ITIH5: variants seen among roughly 807,000 people sequenced by gnomAD.
ITIH5 encodes inter-alpha-trypsin inhibitor heavy chain H5.
In ITIH5, 65 loss-of-function variants were observed where a neutral mutation model predicts 77.5. The observed-to-expected ratio is 0.84, with a 90% confidence interval of 0.69 to 1.03. ITIH5 has a LOEUF of 1.03. ITIH5 is among the 50% of genes least tolerant of loss of function. ITIH5 has a pLI of 0.00. For synonymous variants in ITIH5, 525 were observed against 494.3 expected, an observed-to-expected ratio of 1.06 and a Z score of -0.82; for missense variants, 1,208 against 1,213.1, an observed-to-expected ratio of 1.00 and a Z score of 0.06.
At chr10:7,603,717 G>A (rs1420654146) in intron 7 of ITIH5, among the ~76,000 whole-genome samples, 1 of 152,252 alleles carries the variant, frequency 6.6e-6, no homozygotes, top group East Asian at 1.9e-4. Flanking sequence ...CCGAGCAGCT[G>A]GGACTACAGG....
rs774202543 is a variant in ITIH5 at position 7,585,380 on chromosome 10, G to A, written c.1108+521C>T. On this transcript the variant is annotated intron_variant, in intron 8 of 13. Coordinates refer to ENST00000397146, the MANE Select transcript of ITIH5 (RefSeq NM_030569.7). ...TACCTGGGCAACACCCAAGACAAGC[G>A]TGCAGTGGCTGAGAGCCCACATCCT... is the stretch of plus-strand genomic sequence containing the variant. 1.5e-4 allele frequency among the ~76,000 whole-genome samples: 23 copies of A among 152,084 alleles called. 1 individual carries two copies. The highest frequency in any genetic ancestry group is 6.2e-4 in the South Asian group (3 of 4,808).
At chr10:7,613,042 C>T (rs981877302) in intron 7 of ITIH5, among the ~76,000 whole-genome samples, 3 of 152,076 alleles carry the variant, frequency 2.0e-5, no homozygotes, top group South Asian at 4.1e-4. Flanking sequence ...GTTAGGAGTT[C>T]GAGACCAGCC....
chr10:7,582,212 A>C (rs1489891740), intron 8 of ITIH5, among the ~76,000 whole-genome samples: 1 of 152,190 alleles, frequency 6.6e-6, no homozygotes, highest in East Asian at 1.9e-4. Flanking sequence ...GATTAAAATA[A>C]ATCAGACAAT....
intron 11 of ITIH5, 98 bp from the exon 12 acceptor site, chr10:7,569,882 T>C (rs1832263525): frequency 1.6e-6 from 1 of 644,170 alleles, no homozygotes; most frequent in Non-Finnish European, 2.4e-6. Flanking sequence ...AATTATTTTA[T>C]TGAATCCTGA....
In ITIH5 at chr10:7,573,981, AAAAATGGGTAAGGTGGT is replaced by A. The variant is rs1360108948; in HGVS notation, c.1979-803_1979-787del. Among the ~76,000 whole-genome samples the A allele has an allele frequency of 7.2e-5, 11 of 152,298 alleles. No individual in the cohort carries two copies. In the East Asian group the frequency reaches 2.1e-3, roughly 29 times the overall value. ...CTTACCAGCATTGAACTGTACGCTT[AAAAATGGGTAAGGTGGT>A]AAATTTTATGTTCACAACAAAAACA... On this transcript the variant is annotated intron_variant, in intron 10 of 13. Transcript: ENST00000397146.
Position 7,626,070 on chromosome 10 carries a change from G to A in ITIH5, c.653-8788C>T, listed in dbSNP as rs185731966. On this transcript the variant is annotated intron_variant, in intron 5 of 13. Coordinates refer to ENST00000397146, the MANE Select transcript of ITIH5 (RefSeq NM_030569.7). ...CAAGGGAACTGATGTTTCTCTTCCC[G>A]AAAGTGTTCAGGGGGTGTGGCAGAT... Among the ~76,000 whole-genome samples, 7 of 152,264 alleles carry A rather than the reference G, an allele frequency of 4.6e-5. No homozygotes were observed. The East Asian group carries it at 5.8e-4, about 13-fold the overall frequency.
intron 11 of ITIH5, among the ~76,000 whole-genome samples, chr10:7,571,076 G>A (rs1832287437): frequency 6.6e-6 from 1 of 152,204 alleles, no homozygotes; most frequent in Admixed American, 6.5e-5. Flanking sequence ...AACCCTTTCT[G>A]CCCCAGCATC....
Position 7,600,133 on chromosome 10 carries a change from ACT to A in ITIH5, c.940-14066_940-14065del, listed in dbSNP as rs1832985889. Among the ~76,000 whole-genome samples, 3 of 152,074 alleles carry A rather than the reference ACT, an allele frequency of 2.0e-5. No homozygotes were observed. In the South Asian group the frequency reaches 6.2e-4, roughly 32 times the overall value. ...AAGTAGAAACCTCACATCTCTTCCTACTCTGTCTGCCTCAATTACCTGGGGAA... is the reference window on the plus strand; with the variant it reads ...AAGTAGAAACCTCACATCTCTTCCTACTGTCTGCCTCAATTACCTGGGGAA... On this transcript the variant is annotated intron_variant, in intron 7 of 13. Coordinates refer to ENST00000397146, the MANE Select transcript of ITIH5 (RefSeq NM_030569.7).
In ITIH5 at chr10:7,644,863, C is replaced by CATAT. The variant is rs71383932; in HGVS notation, c.136-2777_136-2774dup. On this transcript the variant is annotated intron_variant, in intron 2 of 13. Transcript: ENST00000397146. The stretch of plus-strand genomic sequence containing the variant: ...TCACATATATATCACATATGTATCA[C>CATAT]ATATATATCACATATATATATCACA... Among the ~76,000 whole-genome samples, 7 of 117,366 alleles carry CATAT rather than the reference C, an allele frequency of 6.0e-5. 2 individuals carry two copies. Among genetic ancestry groups the CATAT allele is most frequent in the African/African-American group, 2.5e-4 (7 of 27,570 alleles). The allele number at this position is 117,366 out of a possible 152,430, so 77.0% of individuals were successfully genotyped here. A position where few individuals can be genotyped will look rare whatever the true frequency, so the allele number is the denominator to read the frequency against.
intron 5 of ITIH5, among the ~76,000 whole-genome samples, chr10:7,630,990 G>A (rs1351035835): frequency 6.6e-6 from 1 of 151,284 alleles, no homozygotes; most frequent in African/African-American, 2.4e-5. Context: ...AGGAATTGAG[G>A]TTACCCAGGA....
intron 5 of ITIH5, among the ~76,000 whole-genome samples, chr10:7,627,849 T>C (rs1235571800): frequency 7.3e-6 from 1 of 137,868 alleles, no homozygotes; most frequent in African/African-American, 2.8e-5. Context: ...TTTTTTTTTT[T>C]TTTTTTTGAG....
At chr10:7,589,300 A>G (rs780080338) in intron 7 of ITIH5, among the ~76,000 whole-genome samples, 1 of 152,272 alleles carries the variant, frequency 6.6e-6, no homozygotes, top group Middle Eastern at 3.4e-3. Flanking sequence ...TCTACTAAAA[A>G]AATACAAAAA....
At chr10:7,599,359 TAAGAGG>T (rs1832969410) in intron 7 of ITIH5, among the ~76,000 whole-genome samples, 2 of 152,164 alleles carry the variant, frequency 1.3e-5, no homozygotes, top group Non-Finnish European at 2.9e-5. Context: ...TAATAGGAAG[TAAGAGG>T]ATGATGCTGA....
chr10:7,640,644 G>A, intron 4 of ITIH5, 110 bp downstream of exon 4: 1 of 676,034 alleles, frequency 1.5e-6, no homozygotes, highest in Non-Finnish European at 2.6e-6. Context: ...AAAAAAGAAA[G>A]AGAAAAGTAT....
At chr10:7,579,424 C>G (rs1202788119) in intron 9 of ITIH5, among the ~76,000 whole-genome samples, 1 of 151,988 alleles carries the variant, frequency 6.6e-6, no homozygotes, top group Non-Finnish European at 1.5e-5. Flanking sequence ...ACTCAGGAGG[C>G]TGAGGCAAGA....
chr10:7,583,928 T>C (rs1295625102), intron 8 of ITIH5, among the ~76,000 whole-genome samples: 2 of 151,878 alleles, frequency 1.3e-5, no homozygotes, highest in Admixed American at 1.3e-4. Context: ...GCGAGAGGGG[T>C]TACCTGAGTG....
intron 7 of ITIH5, among the ~76,000 whole-genome samples, chr10:7,603,744 A>G (rs1397082439): frequency 2.6e-5 from 4 of 152,002 alleles, no homozygotes; most frequent in South Asian, 4.2e-4. Flanking sequence ...CACCACGCCC[A>G]GCTAATTTTT....
Position 7,562,884 on chromosome 10 carries a change from A to G in ITIH5, c.*199T>C, listed in dbSNP as rs1832063817. ...GGAAGAGGCAGTAGAGGGAAATGAC[A>G]TTTGCACTCAGGCTTCCCGCCCCTA... On this transcript the variant is annotated 3_prime_UTR_variant, in exon 14 of 14. Transcript: ENST00000397146. The G allele has an allele frequency of 1.6e-6, 1 of 641,160 alleles. No individual in the cohort carries two copies. The highest frequency in any genetic ancestry group is 2.4e-5 in the Admixed American group (1 of 42,084). 39.7% of individuals were successfully genotyped at this position (641,160 alleles called of 1,614,324 possible).
intron 1 of ITIH5, 91 bp from the exon 2 acceptor site, chr10:7,655,766 C>G: frequency 1.0e-6 from 1 of 991,968 alleles, no homozygotes; most frequent in East Asian, 2.4e-5. Context: ...ATGAGTTATA[C>G]AAGGGGGTTA....
Sources: allele counts gnomAD v4.1 joint callset (sites outside exome capture counted in the v4.1 genomes callset), GRCh38; gene constraint gnomAD v4.1.1; transcripts MANE v1.5; gene names NCBI Gene and HGNC (gene_info 2026-07-23, HGNC 2026-07-21).